Variants in RNF149 observed in about 807,000 individuals in gnomAD.
RNF149 encodes ring finger protein 149, also known as E3 ubiquitin-protein ligase RNF149.
Under a neutral mutation model 39.0 loss-of-function variants are expected in RNF149, and 21 were observed. The ratio of observed to expected loss-of-function variants is 0.54; its 90% confidence interval spans 0.38 to 0.77. The LOEUF is 0.77. Among genes scored for constraint, RNF149 ranks in the 30% least tolerant of loss-of-function variants. The pLI is 0.00. For synonymous variants in RNF149, 209 were observed against 213.6 expected, an observed-to-expected ratio of 0.98 and a Z score of 0.19; for missense variants, 493 against 534.9, an observed-to-expected ratio of 0.92 and a Z score of 0.77.
Position 101,276,314 on chromosome 2 carries a change from A to T in RNF149, c.*924T>A. 1.0e-6 allele frequency: 1 copy of T among 985,718 alleles called. No homozygotes were observed. Among genetic ancestry groups the T allele is most frequent in the Non-Finnish European group, 1.2e-6 (1 of 829,928 alleles). 61.1% of individuals were successfully genotyped at this position (985,718 alleles called of 1,614,324 possible). ...GCTCCTTTGACCCAAAAGAACAGCA[A>T]GCAAGTAAAAAAGAAGAAACGGTTA... On this transcript the variant is annotated 3_prime_UTR_variant, in exon 7 of 7. Transcript: ENST00000295317.
chr2:101,279,294 TCATGATTTCTACC>T (rs1249713282), intron 6 of RNF149, among the ~76,000 whole-genome samples: 2 of 152,228 alleles, frequency 1.3e-5, no homozygotes, highest in African/African-American at 4.8e-5. Flanking sequence ...ACCCATGATT[TCATGATTTCTACC>T]CATGATTTCA....
downstream of RNF149, among the ~76,000 whole-genome samples, chr2:101,272,499 A>T (rs1406468433): frequency 6.6e-6 from 1 of 152,232 alleles, no homozygotes; most frequent in Non-Finnish European, 1.5e-5. Flanking sequence ...TTAAAACTTA[A>T]GTACCTGGGT....
chr2:101,303,450 TC>T (rs1480655301), intron 1 of RNF149, among the ~76,000 whole-genome samples: 11 of 152,104 alleles, frequency 7.2e-5, no homozygotes, highest in African/African-American at 2.7e-4. Flanking sequence ...TAAATTCAAA[TC>T]TAAATTTTTC....
At chr2:101,280,153 C>A (rs1223004149) in intron 6 of RNF149, among the ~76,000 whole-genome samples, 1 of 149,184 alleles carries the variant, frequency 6.7e-6, no homozygotes, top group Non-Finnish European at 1.5e-5. Flanking sequence ...TCCAGACTGG[C>A]CGACAGAGCA....
intron 1 of RNF149, among the ~76,000 whole-genome samples, chr2:101,305,400 G>A (rs1683616384): frequency 6.6e-6 from 1 of 152,250 alleles, no homozygotes; most frequent in South Asian, 2.1e-4. Context: ...CTATAGTACT[G>A]GCCCTTATAT....
chr2:101,295,237 C>T (rs1683177595), intron 1 of RNF149, 56 bp from the exon 2 acceptor site: 1 of 1,451,642 alleles, frequency 6.9e-7, no homozygotes, highest in African/African-American at 1.4e-5. Flanking sequence ...ATACAGAGAA[C>T]ATTAAATTAA....
chr2:101,302,483 T>C (rs949734237), intron 1 of RNF149, among the ~76,000 whole-genome samples: 9 of 152,214 alleles, frequency 5.9e-5, no homozygotes, highest in African/African-American at 1.9e-4. Flanking sequence ...TTTGGACAAT[T>C]TGTCTTGCTC....
At chr2:101,300,766 G>A (rs1045547729) in intron 1 of RNF149, among the ~76,000 whole-genome samples, 3 of 152,192 alleles carry the variant, frequency 2.0e-5, no homozygotes, top group South Asian at 2.1e-4. Flanking sequence ...CCAGAACGAC[G>A]GCTCTTTATA....
At chr2:101,300,763 G>A (rs948201509) in intron 1 of RNF149, among the ~76,000 whole-genome samples, 8 of 152,220 alleles carry the variant, frequency 5.3e-5, no homozygotes, top group East Asian at 1.9e-4. Flanking sequence ...AACCCAGAAC[G>A]ACGGCTCTTT....
At chr2:101,288,329 C>A (rs530867340) in intron 4 of RNF149, among the ~76,000 whole-genome samples, 3 of 150,654 alleles carry the variant, frequency 2.0e-5, no homozygotes, top group Non-Finnish European at 4.4e-5. Context: ...CCTGTGCCTC[C>A]CGGGTTCAAG....
intron 1 of RNF149, among the ~76,000 whole-genome samples, chr2:101,307,125 T>G (rs1180311752): frequency 2.0e-5 from 3 of 152,234 alleles, no homozygotes; most frequent in South Asian, 4.1e-4. Flanking sequence ...TGCCTGAAGA[T>G]ACAACCTGCT....
At chr2:101,304,659 G>A (rs1316356398) in intron 1 of RNF149, among the ~76,000 whole-genome samples, 1 of 152,048 alleles carries the variant, frequency 6.6e-6, no homozygotes, top group African/African-American at 2.4e-5. Flanking sequence ...TTGGGCAACA[G>A]CAACAGTCCT....
intron 5 of RNF149, among the ~76,000 whole-genome samples, chr2:101,285,751 T>C (rs1458228376): frequency 1.3e-5 from 2 of 152,204 alleles, no homozygotes; most frequent in Non-Finnish European, 2.9e-5. Flanking sequence ...ATGAGGCTCC[T>C]TCCTTTTCAA....
At position 101,308,276 on chromosome 2, in the gene RNF149, C is replaced by A; in HGVS notation, c.313G>T (p.Gly105Trp). 1 of 1,578,366 alleles carries A rather than the reference C, an allele frequency of 6.3e-7. No individual in the cohort carries two copies. Among genetic ancestry groups the A allele is most frequent in the African/African-American group, 1.4e-5 (1 of 72,378 alleles). Residue 105 changes from glycine (G) to tryptophan (W), a missense_variant, in exon 1 of 7, where the codon GGG becomes TGG. Gly to Trp is a radical substitution (Grantham distance 184, BLOSUM62 -2). Coordinates refer to ENST00000295317, the MANE Select transcript of RNF149 (RefSeq NM_173647.4). ...ACCAGGGCGACCCAGGGCGCGGCCC[C>A]TCGGCCGCCGGGCTCGGGCACGAAG... is the stretch of plus-strand genomic sequence containing the variant. ...RFFVPEPGGRGAAPWVALVAR... is the reference protein window; with the variant it reads ...RFFVPEPGGRWAAPWVALVAR...
At chr2:101,307,154 T>A (rs1449320651) in intron 1 of RNF149, among the ~76,000 whole-genome samples, 1 of 152,178 alleles carries the variant, frequency 6.6e-6, no homozygotes, top group African/African-American at 2.4e-5. Context: ...GAATGGTATG[T>A]GTAGGAAGGG....
intron 3 of RNF149, among the ~76,000 whole-genome samples, chr2:101,292,239 T>C (rs1223571478): frequency 6.6e-6 from 1 of 152,218 alleles, no homozygotes; most frequent in Non-Finnish European, 1.5e-5. Flanking sequence ...GCCATCTGTA[T>C]ATACCTCATG....
intron 1 of RNF149, among the ~76,000 whole-genome samples, chr2:101,304,020 A>G (rs533779672): frequency 3.3e-5 from 5 of 152,340 alleles, no homozygotes; most frequent in East Asian, 3.9e-4. Context: ...AATATCCTGT[A>G]AAAGCTTTTG....
intron 4 of RNF149, among the ~76,000 whole-genome samples, chr2:101,288,304 C>G (rs1024061370): frequency 7.3e-6 from 1 of 137,072 alleles, no homozygotes; most frequent in African/African-American, 2.8e-5. Context: ...GTGGTGCAAT[C>G]TCGGCTCACT....
At chr2:101,307,884 A>G in intron 1 of RNF149, 2 of 985,394 alleles carry the variant, frequency 2.0e-6, no homozygotes, top group Non-Finnish European at 2.4e-6. Context: ...TAACGTCTTT[A>G]GTACTCCCTT....
Sources: gnomAD v4.1 joint callset for allele counts (sites outside exome capture counted in the v4.1 genomes callset) on GRCh38, gnomAD v4.1.1 for gene constraint, MANE v1.5 for transcripts, NCBI Gene and HGNC (gene_info 2026-07-23, HGNC 2026-07-21) for gene names.